PRELID2: variants seen among roughly 807,000 people sequenced by gnomAD.
PRELID2 encodes the protein PRELI domain containing 2.
In PRELID2, 25 loss-of-function variants were observed where a neutral mutation model predicts 28.4. The ratio of observed to expected loss-of-function variants is 0.88; its 90% CI spans 0.64 to 1.23. The LOEUF is 1.23. Among genes scored for constraint, PRELID2 ranks in the 50% most tolerant of loss-of-function variants. The pLI, the probability that PRELID2 is intolerant of heterozygous loss-of-function variation, is 0.00. For synonymous variants in PRELID2, 76 were observed against 71.6 expected (o/e 1.06, Z -0.31); for missense variants, 201 against 214.4 (o/e 0.94, Z 0.39).
chr5:145,703,043 A>C (rs1039392985), intron 1 of PRELID2, among the ~76,000 whole-genome samples: 4 of 152,202 alleles, frequency 2.6e-5, no homozygotes, highest in Non-Finnish European at 5.9e-5. Context: ...TGCAAACAGA[A>C]AGCTGGGTCC....
chr5:145,584,143 C>T (rs761151676), intron 1 of PRELID2, among the ~76,000 whole-genome samples: 5 of 152,104 alleles, frequency 3.3e-5, no homozygotes, highest in Admixed American at 2.0e-4. Flanking sequence ...CACACACCTA[C>T]AACCATCTGA....
At chr5:145,266,410 T>C in the PRELID2 span, among the ~76,000 whole-genome samples, 1 of 146,728 alleles carries the variant, frequency 6.8e-6, no homozygotes, top group Non-Finnish European at 1.5e-5. Flanking sequence ...AAAGAAGATA[T>C]ACAAATGACC....
At chr5:145,797,296 A>AC (rs143365459) in intron 4 of PRELID2, among the ~76,000 whole-genome samples, 6,744 of 152,192 alleles carry the variant, frequency 0.044, 467 homozygotes, top group African/African-American at 0.15. Context: ...AATTAGCAGC[A>AC]CCCAGGTAGG....
chr5:145,815,956 C>A (rs1754271994), intron 4 of PRELID2, among the ~76,000 whole-genome samples: 1 of 151,300 alleles, frequency 6.6e-6, no homozygotes, highest in Non-Finnish European at 1.5e-5. Flanking sequence ...CTACGTTTAA[C>A]TTTTTGAGGA....
At chr5:145,236,060 T>C in the PRELID2 span, among the ~76,000 whole-genome samples, 1 of 152,124 alleles carries the variant, frequency 6.6e-6, no homozygotes, top group South Asian at 2.1e-4. Context: ...CAGATTTCCA[T>C]AGGTTCTGTC....
Position 145,517,137 on chromosome 5 carries a change from G to A in PRELID2, n.71-43822C>T, listed in dbSNP as rs534440550. ...GTAACAAAAGCCAAAATTGACAAATGGGATCTAATTAAACTAAAGAGCTTC... is the reference window on the plus strand; with the variant it reads ...GTAACAAAAGCCAAAATTGACAAATAGGATCTAATTAAACTAAAGAGCTTC... On this transcript the variant is annotated intron_variant and non_coding_transcript_variant, in intron 1 of 2. Coordinates refer to the PRELID2 transcript ENST00000510259. Among the ~76,000 whole-genome samples, 6 of 152,222 alleles carry A rather than the reference G, an allele frequency of 3.9e-5. No individual in the cohort carries two copies. In the East Asian group the frequency reaches 1.2e-3, roughly 29 times the overall value.
At chr5:145,624,443 T>C (rs926555273) in intron 1 of PRELID2, among the ~76,000 whole-genome samples, 6 of 152,138 alleles carry the variant, frequency 3.9e-5, no homozygotes, top group South Asian at 2.1e-4. Flanking sequence ...CAGTCACCAG[T>C]CATCTTGTTT....
At chr5:145,697,435 A>C (rs1260990511) in intron 1 of PRELID2, among the ~76,000 whole-genome samples, 1 of 152,094 alleles carries the variant, frequency 6.6e-6, no homozygotes, top group Non-Finnish European at 1.5e-5. Context: ...GTGTACCAGC[A>C]GGGGTCAGCA....
chr5:145,835,324 C>A lies in PRELID2; in HGVS notation c.-73G>T. The A allele has an allele frequency of 1.0e-6, 1 of 979,900 alleles. No individual in the cohort carries two copies. Among genetic ancestry groups the A allele is most frequent in the Non-Finnish European group, 1.5e-6 (1 of 657,716 alleles). 60.7% of individuals were successfully genotyped at this position (979,900 alleles called of 1,614,324 possible). ...AGAGCTGCCCAGGGCTCCGCAGAGG[C>A]CCGGAGGCGCCCACACTCGGACAGC... On this transcript the variant is annotated 5_prime_UTR_variant, in exon 1 of 7. Transcript: ENST00000683046.
chr5:145,491,267 A>G (rs898345634), intron 1 of PRELID2, among the ~76,000 whole-genome samples: 4 of 152,162 alleles, frequency 2.6e-5, no homozygotes, highest in African/African-American at 9.7e-5. Flanking sequence ...ATGCTTTCTC[A>G]TAGATGGTGT....
the PRELID2 span, among the ~76,000 whole-genome samples, chr5:145,417,831 C>T: frequency 5.9e-5 from 9 of 152,168 alleles, no homozygotes; most frequent in African/African-American, 1.7e-4. Flanking sequence ...TCTTGAAAAC[C>T]AGCATAAGGC....
chr5:145,687,031 A>C (rs953992712), intron 1 of PRELID2, among the ~76,000 whole-genome samples: 1 of 152,206 alleles, frequency 6.6e-6, no homozygotes, highest in Non-Finnish European at 1.5e-5. Context: ...ACAAAAAAGT[A>C]TGAAAATAAT....
At chr5:145,674,981 A>T (rs575620422) in intron 1 of PRELID2, among the ~76,000 whole-genome samples, 5 of 152,242 alleles carry the variant, frequency 3.3e-5, no homozygotes, top group Admixed American at 6.5e-5. Flanking sequence ...CTATATCAGT[A>T]CTATTAAAAA....
intron 1 of PRELID2, among the ~76,000 whole-genome samples, chr5:145,696,612 C>T (rs1755272657): frequency 6.6e-6 from 1 of 152,002 alleles, no homozygotes; most frequent in African/African-American, 2.4e-5. Flanking sequence ...CAGGTGCATG[C>T]CACCACACCT....
At chr5:145,343,488 CAT>C in the PRELID2 span, among the ~76,000 whole-genome samples, 12 of 150,158 alleles carry the variant, frequency 8.0e-5, no homozygotes, top group Admixed American at 6.6e-4. Context: ...AAAAACATAA[CAT>C]GTCAAAACCT....
intron 1 of PRELID2, among the ~76,000 whole-genome samples, chr5:145,594,401 C>CT (rs1485104910): frequency 6.6e-6 from 1 of 151,992 alleles, no homozygotes; most frequent in Admixed American, 6.6e-5. Context: ...ATAACATTAA[C>CT]TTTTTTTACT....
chr5:145,583,613 G>A (rs565593807), intron 1 of PRELID2, among the ~76,000 whole-genome samples: 5 of 152,182 alleles, frequency 3.3e-5, no homozygotes, highest in African/African-American at 1.2e-4. Flanking sequence ...CAAAATGAAT[G>A]TGCAAAATCG....
At chr5:145,320,600 C>T in the PRELID2 span, among the ~76,000 whole-genome samples, 8 of 152,278 alleles carry the variant, frequency 5.3e-5, no homozygotes, top group African/African-American at 1.2e-4. Context: ...TCCCTGCACG[C>T]ATCATAATGG....
chr5:145,643,524 C>T (rs1039022656), intron 1 of PRELID2, among the ~76,000 whole-genome samples: 3 of 152,160 alleles, frequency 2.0e-5, no homozygotes, highest in African/African-American at 4.8e-5. Context: ...TGCCTGATTG[C>T]CCTGGCCAGA....
Sources: gnomAD v4.1 joint callset for allele counts (sites outside exome capture counted in the v4.1 genomes callset) on GRCh38, gnomAD v4.1.1 for gene constraint, MANE v1.5 for transcripts, NCBI Gene and HGNC (gene_info 2026-07-23, HGNC 2026-07-21) for gene names.